STPG2: variants seen among roughly 807,000 people sequenced by gnomAD.
The protein encoded by STPG2 is sperm tail PG-rich repeat containing 2.
A neutral mutation model predicts 54.2 loss-of-function variants in STPG2; 56 were observed. The observed-to-expected ratio is 1.03, with a 90% CI of 0.83 to 1.29. The LOEUF is 1.29. Among genes scored for constraint, STPG2 ranks in the 50% most tolerant of loss-of-function variants. STPG2 has a pLI of 0.00. For synonymous variants in STPG2, 200 were observed against 181.8 expected, an observed-to-expected ratio of 1.10 and a Z score of -0.81; for missense variants, 596 against 544.9, an observed-to-expected ratio of 1.09 and a Z score of -0.93.
chr4:97,727,770 A>G lies in STPG2; in HGVS notation c.1205-14956T>C, dbSNP rs183997517. Reference sequence around the variant, plus strand: ...TACAAAACTAGTGTTTGTGTAAATTAATTTAAAAATTTTTGATTTCCAGGA... The same window carrying G: ...TACAAAACTAGTGTTTGTGTAAATTGATTTAAAAATTTTTGATTTCCAGGA... On this transcript the variant is annotated intron_variant, in intron 9 of 10. Coordinates refer to ENST00000295268, the MANE Select transcript of STPG2 (RefSeq NM_174952.3). 5.9e-3 allele frequency among the ~76,000 whole-genome samples: 894 copies of G among 151,296 alleles called. 5 individuals are homozygous for G. Among genetic ancestry groups the G allele is most frequent in the Middle Eastern group, 0.02 (6 of 294 alleles).
At chr4:97,753,806 A>T (rs986867335) in intron 9 of STPG2, among the ~76,000 whole-genome samples, 3 of 151,986 alleles carry the variant, frequency 2.0e-5, no homozygotes, top group Non-Finnish European at 4.4e-5. Context: ...TTGTATATCT[A>T]CTTTGAAGAA....
At chr4:98,020,714 CAG>C (rs1329375498) in intron 5 of STPG2, among the ~76,000 whole-genome samples, 1 of 152,156 alleles carries the variant, frequency 6.6e-6, no homozygotes, top group Non-Finnish European at 1.5e-5. Flanking sequence ...TTGGTCTATT[CAG>C]AGATTCAACT....
chr4:98,044,817 G>T (rs1737073696), intron 5 of STPG2, among the ~76,000 whole-genome samples: 1 of 152,158 alleles, frequency 6.6e-6, no homozygotes, highest in Admixed American at 6.6e-5. Flanking sequence ...GTTTCCAGAT[G>T]GTTCTTCTAA....
chr4:97,563,454 T>C (rs1267669739), intron 10 of STPG2, among the ~76,000 whole-genome samples: 1 of 152,176 alleles, frequency 6.6e-6, no homozygotes, highest in African/African-American at 2.4e-5. Context: ...TCTGCTCTGA[T>C]TTTAGTTATT....
At chr4:97,915,122 C>A (rs1414299173) in intron 8 of STPG2, among the ~76,000 whole-genome samples, 1 of 152,146 alleles carries the variant, frequency 6.6e-6, no homozygotes, top group East Asian at 1.9e-4. Flanking sequence ...TTAAGACTTA[C>A]AGGTAATTTA....
intron 2 of STPG2, among the ~76,000 whole-genome samples, chr4:98,130,952 G>GAAAAAAAAT (rs1242260121): frequency 1.2e-5 from 1 of 81,902 alleles, no homozygotes; most frequent in Non-Finnish European, 2.6e-5. Flanking sequence ...AAAAAAAAAC[G>GAAAAAAAAT]ACTTTCCAAA....
At chr4:98,021,006 G>A (rs182024010) in intron 5 of STPG2, among the ~76,000 whole-genome samples, 1 of 151,972 alleles carries the variant, frequency 6.6e-6, no homozygotes, top group African/African-American at 2.4e-5. Context: ...GGTTTTTTGT[G>A]TCTTTGTTTA....
intron 8 of STPG2, among the ~76,000 whole-genome samples, chr4:97,850,681 TAA>T (rs1436333708): frequency 6.6e-6 from 1 of 152,142 alleles, no homozygotes; most frequent in East Asian, 1.9e-4. Context: ...TTAACAACTA[TAA>T]AAGCCTTTTC....
At chr4:98,025,060 G>T (rs554532406) in intron 5 of STPG2, among the ~76,000 whole-genome samples, 18 of 152,162 alleles carry the variant, frequency 1.2e-4, no homozygotes, top group African/African-American at 4.3e-4. Flanking sequence ...ATAAAAATGG[G>T]GAGGATAGCA....
intron 10 of STPG2, among the ~76,000 whole-genome samples, chr4:97,637,371 C>G (rs1019200378): frequency 1.3e-5 from 2 of 152,088 alleles, no homozygotes; most frequent in African/African-American, 4.8e-5. Context: ...CTATGACAAA[C>G]CCACAGCCAA....
At chr4:97,865,694 C>T (rs941999583) in intron 8 of STPG2, among the ~76,000 whole-genome samples, 8 of 151,318 alleles carry the variant, frequency 5.3e-5, no homozygotes, top group Non-Finnish European at 1.2e-4. Flanking sequence ...CACATCGGGG[C>T]CTGTTGTGGG....
chr4:97,650,965 T>G (rs922484047), intron 10 of STPG2, among the ~76,000 whole-genome samples: 11 of 152,006 alleles, frequency 7.2e-5, no homozygotes, highest in African/African-American at 2.7e-4. Flanking sequence ...TTATGCTTTG[T>G]AGGGCATGGC....
chr4:97,526,112 C>A (rs1349598912), intron 4 of STPG2, among the ~76,000 whole-genome samples: 1 of 151,982 alleles, frequency 6.6e-6, no homozygotes, highest in African/African-American at 2.4e-5. Context: ...ATTAGTTTCC[C>A]TCTAATAATA....
intron 5 of STPG2, among the ~76,000 whole-genome samples, chr4:98,019,860 T>C (rs1322335015): frequency 1.7e-5 from 2 of 119,968 alleles, no homozygotes; most frequent in East Asian, 2.2e-4. Flanking sequence ...TTTTTTTACA[T>C]TGATTTTGTA....
chr4:98,139,126 C>T (rs1740210505), intron 1 of STPG2, among the ~76,000 whole-genome samples: 1 of 152,148 alleles, frequency 6.6e-6, no homozygotes, highest in Non-Finnish European at 1.5e-5. Flanking sequence ...CTCTCTCCTA[C>T]CTCATGAAAG....
chr4:97,846,442 TG>T (rs1004502851), intron 8 of STPG2, among the ~76,000 whole-genome samples: 56 of 151,808 alleles, frequency 3.7e-4, no homozygotes, highest in African/African-American at 1.1e-3. Flanking sequence ...CTGACCAACA[TG>T]GTGAAACCCC....
At chr4:97,819,359 C>G (rs1394697774) in intron 9 of STPG2, among the ~76,000 whole-genome samples, 1 of 152,046 alleles carries the variant, frequency 6.6e-6, no homozygotes, top group Non-Finnish European at 1.5e-5. Flanking sequence ...ATTTTTACAT[C>G]AAAGGTATTA....
intron 8 of STPG2, among the ~76,000 whole-genome samples, chr4:97,845,051 T>A (rs377106685): frequency 6.6e-6 from 1 of 151,998 alleles, no homozygotes; most frequent in Non-Finnish European, 1.5e-5. Context: ...TCTATTAAGA[T>A]TCTCTATTGG....
chr4:98,066,165 A>C (rs1737828728), intron 5 of STPG2, among the ~76,000 whole-genome samples: 1 of 152,188 alleles, frequency 6.6e-6, no homozygotes, highest in South Asian at 2.1e-4. Flanking sequence ...GTGGCTAAAA[A>C]TTTTACAAAA....
Sources: allele counts gnomAD v4.1 joint callset (sites outside exome capture counted in the v4.1 genomes callset), GRCh38; gene constraint gnomAD v4.1.1; transcripts MANE v1.5; gene names NCBI Gene and HGNC (gene_info 2026-07-23, HGNC 2026-07-21).